Variants in FHIT observed in about 807,000 individuals in gnomAD.
FHIT encodes fragile histidine triad diadenosine triphosphatase.
A neutral mutation model predicts 17.9 loss-of-function variants in FHIT; 19 were observed. That is an observed-to-expected ratio of 1.06 (90% CI 0.74 to 1.56). The LOEUF is 1.56. Ranked by LOEUF, FHIT falls within the 40% of genes most tolerant of loss-of-function variation. The pLI is 0.00. For missense variants in FHIT, 248 were observed against 189.2 expected, an observed-to-expected ratio of 1.31 and a Z score of -1.82; for synonymous variants, 81 against 69.7, an observed-to-expected ratio of 1.16 and a Z score of -0.81.
intron 5 of FHIT, among the ~76,000 whole-genome samples, chr3:60,233,180 T>C (rs1312794864): frequency 6.6e-6 from 1 of 152,202 alleles, no homozygotes; most frequent in Non-Finnish European, 1.5e-5. Context: ...TAAAAAACTA[T>C]TAAATCCCCA....
intron 1 of FHIT, among the ~76,000 whole-genome samples, chr3:61,218,491 T>C (rs556503202): frequency 3.9e-5 from 6 of 152,178 alleles, no homozygotes; most frequent in African/African-American, 4.8e-5. Flanking sequence ...TGGCTGTGAC[T>C]GGGGAGGAAA....
chr3:60,742,104 A>G (rs546238192), intron 4 of FHIT, among the ~76,000 whole-genome samples: 2 of 152,244 alleles, frequency 1.3e-5, no homozygotes, highest in African/African-American at 4.8e-5. Context: ...TTGTTTCCTC[A>G]TCTGTAAAAT....
intron 3 of FHIT, among the ~76,000 whole-genome samples, chr3:60,950,024 A>C (rs980466674): frequency 6.6e-6 from 1 of 152,230 alleles, no homozygotes; most frequent in Non-Finnish European, 1.5e-5. Flanking sequence ...AATGGAGCTA[A>C]AAAATTCCTA....
At chr3:60,670,587 C>G (rs557895334) in intron 4 of FHIT, among the ~76,000 whole-genome samples, 1 of 152,260 alleles carries the variant, frequency 6.6e-6, no homozygotes, top group Admixed American at 6.5e-5. Flanking sequence ...ACCAGGAGAA[C>G]TAGAACTTCA....
At chr3:60,259,790 G>A (rs1023211803) in intron 5 of FHIT, among the ~76,000 whole-genome samples, 3 of 152,028 alleles carry the variant, frequency 2.0e-5, no homozygotes, top group Non-Finnish European at 2.9e-5. Context: ...GGGTTTTCTA[G>A]AAAGGGTATC....
chr3:60,258,421 C>T (rs1416807156), intron 5 of FHIT, among the ~76,000 whole-genome samples: 1 of 152,122 alleles, frequency 6.6e-6, no homozygotes, highest in South Asian at 2.1e-4. Context: ...ATAATTAATG[C>T]TCTCCCTGTA....
Position 59,852,460 on chromosome 3 carries a change from C to T in FHIT, c.348+69886G>A, listed in dbSNP as rs537042190. On this transcript the variant is annotated intron_variant, in intron 8 of 9. Coordinates refer to ENST00000492590, the MANE Select transcript of FHIT (RefSeq NM_002012.4). ...CATATCCCCTGCCCCACATATGTTG[C>T]CTCCCATATTAACTTCCCCCCACCA... 6.8e-4 allele frequency among the ~76,000 whole-genome samples: 103 copies of T among 152,224 alleles called. 1 individual carries two copies. The South Asian group carries it at 0.021, about 30-fold the overall frequency.
At chr3:60,551,935 T>C (rs1559533288) in intron 4 of FHIT, among the ~76,000 whole-genome samples, 1 of 152,016 alleles carries the variant, frequency 6.6e-6, no homozygotes, top group Non-Finnish European at 1.5e-5. Context: ...AACTACCTAA[T>C]TCAGAACATT....
At chr3:59,847,182 T>C (rs1351423709) in intron 8 of FHIT, among the ~76,000 whole-genome samples, 1 of 152,166 alleles carries the variant, frequency 6.6e-6, no homozygotes, top group African/African-American at 2.4e-5. Flanking sequence ...CCTTTCTGTC[T>C]CCCTCTTTTC....
intron 3 of FHIT, among the ~76,000 whole-genome samples, chr3:61,016,338 C>G (rs1189349091): frequency 6.6e-6 from 1 of 152,004 alleles, no homozygotes; most frequent in Non-Finnish European, 1.5e-5. Flanking sequence ...GGGTAGAAAA[C>G]AGGGAACAAC....
At chr3:61,020,765 C>T (rs531437533) in intron 3 of FHIT, among the ~76,000 whole-genome samples, 183 of 152,102 alleles carry the variant, frequency 1.2e-3, no homozygotes, top group Non-Finnish European at 2.1e-3. Context: ...TGTGCTGTAT[C>T]GGTGCGCTAT....
intron 5 of FHIT, among the ~76,000 whole-genome samples, chr3:60,370,014 G>C (rs1175122861): frequency 6.6e-6 from 1 of 152,196 alleles, no homozygotes; most frequent in Non-Finnish European, 1.5e-5. Flanking sequence ...TAACATATCT[G>C]TATTATCCTA....
chr3:60,393,039 G>A (rs1404891942), intron 5 of FHIT, among the ~76,000 whole-genome samples: 2 of 152,104 alleles, frequency 1.3e-5, no homozygotes, highest in African/African-American at 4.8e-5. Flanking sequence ...GGACAATTTT[G>A]TGAGAGTTTT....
At chr3:59,926,699 G>A (rs576905091) in intron 7 of FHIT, among the ~76,000 whole-genome samples, 4 of 152,276 alleles carry the variant, frequency 2.6e-5, no homozygotes, top group African/African-American at 9.6e-5. Flanking sequence ...AAGGCTAGGA[G>A]AACAAAATTT....
intron 8 of FHIT, among the ~76,000 whole-genome samples, chr3:59,822,482 C>G (rs1159090802): frequency 6.6e-6 from 1 of 151,918 alleles, no homozygotes; most frequent in East Asian, 1.9e-4. Context: ...TTTTTTTTAT[C>G]ATGGCCATTC....
At chr3:60,019,598 A>G (rs1700477118) in intron 5 of FHIT, among the ~76,000 whole-genome samples, 1 of 151,914 alleles carries the variant, frequency 6.6e-6, no homozygotes, top group Non-Finnish European at 1.5e-5. Context: ...TTGTATTTTT[A>G]GTAGAGATGG....
chr3:60,924,723 G>C (rs1474152707), intron 3 of FHIT, among the ~76,000 whole-genome samples: 2 of 152,076 alleles, frequency 1.3e-5, no homozygotes, highest in Non-Finnish European at 2.9e-5. Context: ...ACTTTGACGA[G>C]TTGAGAGAAG....
At chr3:61,200,300 G>A (rs542966236) in intron 2 of FHIT, among the ~76,000 whole-genome samples, 1 of 152,200 alleles carries the variant, frequency 6.6e-6, no homozygotes, top group Non-Finnish European at 1.5e-5. Flanking sequence ...GCCAGAAGTG[G>A]TACAAGTGCA....
At chr3:59,878,161 A>G (rs1703247606) in intron 8 of FHIT, among the ~76,000 whole-genome samples, 1 of 152,132 alleles carries the variant, frequency 6.6e-6, no homozygotes, top group Non-Finnish European at 1.5e-5. Flanking sequence ...GACTGATTGT[A>G]CTTGGCATAT....
Sources: gnomAD v4.1 joint callset for allele counts (sites outside exome capture counted in the v4.1 genomes callset) on GRCh38, gnomAD v4.1.1 for gene constraint, MANE v1.5 for transcripts, NCBI Gene and HGNC (gene_info 2026-07-23, HGNC 2026-07-21) for gene names.